HS6ST3: variants seen among roughly 807,000 people sequenced by gnomAD.
HS6ST3 encodes the protein heparan-sulfate 6-O-sulfotransferase 3.
A neutral mutation model predicts 36.7 loss-of-function variants in HS6ST3; 12 were observed. The ratio of observed to expected loss-of-function variants is 0.33; its 90% CI spans 0.21 to 0.53. The LOEUF is 0.53. HS6ST3 is among the 20% of genes least tolerant of loss of function. The pLI, the probability that HS6ST3 is intolerant of heterozygous loss-of-function variation, is 0.95. For synonymous variants in HS6ST3, 240 were observed against 257.5 expected (o/e 0.93, Z 0.65); for missense variants, 584 against 640.9 (o/e 0.91, Z 0.96).
intron 1 of HS6ST3, among the ~76,000 whole-genome samples, chr13:96,681,092 G>T (rs2056716916): frequency 6.6e-6 from 1 of 152,170 alleles, no homozygotes; most frequent in Admixed American, 6.6e-5. Context: ...TGAAATCGTG[G>T]ACTGTGCTTA....
chr13:96,212,443 T>G (rs2054403516), intron 1 of HS6ST3, among the ~76,000 whole-genome samples: 1 of 152,218 alleles, frequency 6.6e-6, no homozygotes, highest in African/African-American at 2.4e-5. Flanking sequence ...ATTAGGAAAA[T>G]TCTCTGAATC....
intron 1 of HS6ST3, among the ~76,000 whole-genome samples, chr13:96,548,958 A>C (rs1313063686): frequency 6.6e-6 from 1 of 152,220 alleles, no homozygotes; most frequent in Non-Finnish European, 1.5e-5. Flanking sequence ...TGACCCAGTC[A>C]AATTGACACA....
chr13:96,196,419 A>C (rs1005038225), intron 1 of HS6ST3, among the ~76,000 whole-genome samples: 1 of 151,928 alleles, frequency 6.6e-6, no homozygotes, highest in Non-Finnish European at 1.5e-5. Context: ...TACTTTTTGA[A>C]AGGTAAATCA....
chr13:96,283,737 C>T (rs1313547216), intron 1 of HS6ST3, among the ~76,000 whole-genome samples: 1 of 152,262 alleles, frequency 6.6e-6, no homozygotes, highest in African/African-American at 2.4e-5. Flanking sequence ...ATTTCTGTTA[C>T]TCCTCCTTAT....
At chr13:96,533,422 G>A (rs2138936264) in intron 1 of HS6ST3, among the ~76,000 whole-genome samples, 1 of 152,280 alleles carries the variant, frequency 6.6e-6, no homozygotes, top group South Asian at 2.1e-4. Context: ...TTAGCTATCG[G>A]CCTGACAGCC....
Position 96,826,623 on chromosome 13 carries a change from C to G in HS6ST3, c.708-5867C>G, listed in dbSNP as rs368718283. 4.3e-4 allele frequency among the ~76,000 whole-genome samples: 65 copies of G among 152,226 alleles called. 1 individual carries two copies. The South Asian group carries it at 0.013, about 30-fold the overall frequency. On this transcript the variant is annotated intron_variant, in intron 1 of 1. Coordinates refer to ENST00000376705, the MANE Select transcript of HS6ST3 (RefSeq NM_153456.4). Reference sequence around the variant, plus strand: ...AAGGAAGATGGATGTGAGCCTTGAGCTGGTCCAGGGAAGATATGCAGGATA... The same window carrying G: ...AAGGAAGATGGATGTGAGCCTTGAGGTGGTCCAGGGAAGATATGCAGGATA...
intron 1 of HS6ST3, among the ~76,000 whole-genome samples, chr13:96,270,692 G>C (rs1400509283): frequency 6.6e-6 from 1 of 151,844 alleles, no homozygotes. Context: ...AAAATTGTCT[G>C]TTGAGTGACA....
intron 1 of HS6ST3, among the ~76,000 whole-genome samples, chr13:96,702,443 T>G (rs1875314400): frequency 6.6e-6 from 1 of 152,248 alleles, no homozygotes; most frequent in Non-Finnish European, 1.5e-5. Flanking sequence ...AAGAAAATAC[T>G]GTCAGTTAGT....
At chr13:96,623,401 C>T (rs1293601219) in intron 1 of HS6ST3, among the ~76,000 whole-genome samples, 1 of 151,746 alleles carries the variant, frequency 6.6e-6, no homozygotes, top group African/African-American at 2.4e-5. Context: ...TGCTTACGAA[C>T]CCAGTTATAG....
At chr13:96,153,312 C>T (rs1397581232) in intron 1 of HS6ST3, among the ~76,000 whole-genome samples, 1 of 152,150 alleles carries the variant, frequency 6.6e-6, no homozygotes, top group Non-Finnish European at 1.5e-5. Flanking sequence ...GAAGCACGAG[C>T]TCAATCAATA....
intron 1 of HS6ST3, among the ~76,000 whole-genome samples, chr13:96,391,493 T>C (rs553738841): frequency 6.6e-6 from 1 of 152,322 alleles, no homozygotes; most frequent in Non-Finnish European, 1.5e-5. Context: ...GCCTTCTTGC[T>C]TCAGCTCTCA....
intron 1 of HS6ST3, among the ~76,000 whole-genome samples, chr13:96,716,623 A>G: frequency 6.6e-6 from 1 of 152,150 alleles, no homozygotes; most frequent in African/African-American, 2.4e-5. Context: ...ATCATCTATC[A>G]TCTACCTATC....
chr13:96,354,374 AC>A (rs2055199488), intron 1 of HS6ST3, among the ~76,000 whole-genome samples: 1 of 152,200 alleles, frequency 6.6e-6, no homozygotes, highest in Non-Finnish European at 1.5e-5. Context: ...TCAGATAAAA[AC>A]AGAGCTATTG....
chr13:96,678,994 G>T (rs577523609), intron 1 of HS6ST3, among the ~76,000 whole-genome samples: 18 of 151,794 alleles, frequency 1.2e-4, no homozygotes, highest in African/African-American at 4.4e-4. Context: ...CTCACCCTGG[G>T]TGTGGAGATG....
intron 1 of HS6ST3, among the ~76,000 whole-genome samples, chr13:96,490,974 A>G (rs1363809848): frequency 6.6e-6 from 1 of 152,142 alleles, no homozygotes; most frequent in African/African-American, 2.4e-5. Flanking sequence ...TGTATTTAGG[A>G]TATGGTTGTG....
intron 1 of HS6ST3, among the ~76,000 whole-genome samples, chr13:96,465,628 A>G (rs1027265508): frequency 6.6e-6 from 1 of 152,296 alleles, no homozygotes; most frequent in African/African-American, 2.4e-5. Flanking sequence ...GCTTAGAAAA[A>G]TATGGCGTGA....
At chr13:96,717,286 G>A (rs930638454) in intron 1 of HS6ST3, among the ~76,000 whole-genome samples, 3 of 152,130 alleles carry the variant, frequency 2.0e-5, no homozygotes, top group Admixed American at 1.3e-4. Context: ...GCATTCCAGT[G>A]GGTGAGTGTT....
chr13:96,159,721 G>T (rs541669064), intron 1 of HS6ST3, among the ~76,000 whole-genome samples: 39 of 152,220 alleles, frequency 2.6e-4, no homozygotes, highest in Non-Finnish European at 5.1e-4. Flanking sequence ...AATGTTCATT[G>T]TATGAGGTCA....
intron 1 of HS6ST3, among the ~76,000 whole-genome samples, chr13:96,798,328 T>G (rs1877964444): frequency 1.3e-5 from 2 of 152,114 alleles, no homozygotes; most frequent in South Asian, 2.1e-4. Flanking sequence ...ACTCAACCTC[T>G]TTTCTCCTTG....
Sources: allele counts gnomAD v4.1 joint callset (sites outside exome capture counted in the v4.1 genomes callset), GRCh38; gene constraint gnomAD v4.1.1; transcripts MANE v1.5; gene names NCBI Gene and HGNC (gene_info 2026-07-23, HGNC 2026-07-21).